Variants in ERMARD observed in about 807,000 individuals in gnomAD.
The protein encoded by ERMARD is endoplasmic reticulum membrane-associated RNA degradation protein.
In ERMARD, 71 loss-of-function variants were observed where a neutral mutation model predicts 83.9. That is an observed-to-expected ratio of 0.85 (90% CI 0.70 to 1.03). The LOEUF (loss-of-function observed/expected upper bound fraction) is 1.03, where lower values mean the gene tolerates loss of function less well. Ranked by LOEUF, ERMARD falls within the 50% of genes least tolerant of loss-of-function variation. The pLI, the probability that ERMARD is intolerant of heterozygous loss-of-function variation, is 0.00. For synonymous variants in ERMARD, 284 were observed against 298.6 expected (o/e 0.95, Z 0.50); for missense variants, 838 against 810.9 (o/e 1.03, Z -0.41).
intron 5 of ERMARD, among the ~76,000 whole-genome samples, chr6:169,758,306 T>G (rs1011477190): frequency 6.6e-6 from 1 of 152,256 alleles, no homozygotes; most frequent in Admixed American, 6.5e-5. Context: ...TGTTCTGAGT[T>G]TCTTCTAAGT....
In ERMARD at chr6:169,772,735, A is replaced by G. The variant is rs375089266; in HGVS notation, c.1234-584A>G. Among the ~76,000 whole-genome samples the G allele has an allele frequency of 2.9e-4, 42 of 143,824 alleles. No homozygotes were observed. In the East Asian group the frequency reaches 8.0e-3, roughly 27 times the overall value. The allele number at this position is 143,824 out of a possible 152,430, so 94.4% of individuals were successfully genotyped here. On this transcript the variant is annotated intron_variant, in intron 12 of 17. Transcript: ENST00000366773. ...CAGTGAGCCGAGATCGCGCCAGTGC[A>G]CTCCAGCCTGGGCAAAAACAGTGAG...
chr6:169,780,865 A>G (rs1221067104), intron 17 of ERMARD, among the ~76,000 whole-genome samples: 1 of 152,198 alleles, frequency 6.6e-6, no homozygotes, highest in Non-Finnish European at 1.5e-5. Context: ...GGGAAAAAAA[A>G]ACAAAACACA....
In ERMARD at chr6:169,759,084, C is replaced by T. The variant is rs1382693951; in HGVS notation, c.605+19C>T. ...CTCCAAAGTAAGTTGCAAGTGAAGA[C>T]ATTTTCTTCCTTTTTTGGATCTACC... On this transcript the variant is annotated intron_variant, in intron 6 of 17. Transcript: ENST00000366773. The T allele has an allele frequency of 3.8e-6, 6 of 1,591,902 alleles. No individual in the cohort carries two copies. The highest frequency in any genetic ancestry group is 1.7e-5 in the Admixed American group (1 of 58,144).
Position 169,776,530 on chromosome 6 carries a change from G to A in ERMARD, c.1596G>A (p.Val532=), listed in dbSNP as rs1793617561. ...TLFCPRIVLE[V]LVVLRSISEQ... is the part of the protein sequence containing the mutation. ...TCTGCCCCAGGATTGTGCTGGAAGT[G>A]CTGGTTGTGCTCCGAAGCATCAGCG... Residue 532 remains valine, a synonymous_variant, in exon 16 of 18, where the codon GTG becomes GTA. Coordinates refer to ENST00000366773, the MANE Select transcript of ERMARD (RefSeq NM_018341.3). 6.2e-7 allele frequency: 1 copy of A among 1,614,084 alleles called. No homozygotes were observed. Among genetic ancestry groups the A allele is most frequent in the Non-Finnish European group, 8.5e-7 (1 of 1,180,044 alleles).
intron 14 of ERMARD, 200 bp from the exon 15 acceptor site, chr6:169,775,740 G>A (rs951980224): frequency 4.2e-5 from 28 of 667,636 alleles, no homozygotes; most frequent in South Asian, 1.0e-4. Context: ...TCGTCTCGTC[G>A]TCACTGGACT....
At position 169,776,674 on chromosome 6, in the gene ERMARD, G is replaced by A. The variant is rs755772545; in HGVS notation, c.1739+1G>A. ...AGAACTACCTGCGTATGTGGAGTAG[G>A]TGCGCGCTCACTTTCCTGTTTTGGA... On this transcript the variant is annotated splice_donor_variant, in intron 16 of 17. Coordinates refer to ENST00000366773, the MANE Select transcript of ERMARD (RefSeq NM_018341.3). LOFTEE classifies it high-confidence loss of function. The A allele has an allele frequency of 1.2e-6, 2 of 1,613,140 alleles. No homozygotes were observed. Among genetic ancestry groups the A allele is most frequent in the South Asian group, 1.1e-5 (1 of 91,036 alleles).
intron 17 of ERMARD, 72 bp downstream of exon 17, chr6:169,779,367 A>G (rs1793951099): frequency 7.6e-7 from 1 of 1,320,756 alleles, no homozygotes; most frequent in African/African-American, 1.4e-5. Context: ...TGTAGGAGTG[A>G]GATTGGGGCA....
chr6:169,775,295 G>C lies in ERMARD; in HGVS notation c.1343G>C (p.Arg448Thr). The change falls in exon 14 of 18, where the codon AGG becomes ACG. Residue 448 changes from arginine to threonine, a missense_variant. Transcript: ENST00000366773. Reference protein sequence around the residue: ...KQVLSCEESIRVWALLPFPEE... With the variant: ...KQVLSCEESITVWALLPFPEE... The stretch of plus-strand genomic sequence containing the variant: ...GTGCTGAGCTGTGAGGAGAGCATCA[G>C]GGTTTGGGCTCTGCTGCCTTTCCCC... The C allele has an allele frequency of 6.2e-7, 1 of 1,614,230 alleles. No homozygotes were observed. Among genetic ancestry groups the C allele is most frequent in the Non-Finnish European group, 8.5e-7 (1 of 1,180,048 alleles).
At chr6:169,772,724 C>T (rs1237501555) in intron 12 of ERMARD, among the ~76,000 whole-genome samples, 2 of 145,856 alleles carry the variant, frequency 1.4e-5, no homozygotes, top group East Asian at 4.1e-4. Context: ...GAGCCGAGAT[C>T]GCGCCAGTGC....
chr6:169,754,080 A>G, intron 2 of ERMARD, 48 bp downstream of exon 2: 1 of 1,544,524 alleles, frequency 6.5e-7, no homozygotes. Context: ...TCCCATTGAA[A>G]ATGTCTTGAC....
intron 1 of ERMARD, chr6:169,753,196 A>G (rs1200917315): frequency 6.5e-6 from 1 of 154,456 alleles, no homozygotes; most frequent in African/African-American, 2.4e-5. Context: ...GTCTAAAGTT[A>G]TCCCCAGTAA....
chr6:169,759,800 A>G (rs1167229037), intron 6 of ERMARD, 38 bp from the exon 7 acceptor site: 1 of 1,556,964 alleles, frequency 6.4e-7, no homozygotes, highest in Non-Finnish European at 8.8e-7. Flanking sequence ...GGCATGATTG[A>G]GTACATTTTT....
intron 1 of ERMARD, 183 bp downstream of exon 1, chr6:169,751,846 C>A: frequency 1.1e-6 from 1 of 879,686 alleles, no homozygotes; most frequent in Non-Finnish European, 1.6e-6. Context: ...GACGCTCGGC[C>A]CTGCAAGACG....
At chr6:169,751,911 T>C (rs1790155225) in intron 1 of ERMARD, 1 of 527,966 alleles carries the variant, frequency 1.9e-6, no homozygotes, top group Non-Finnish European at 3.1e-6. Context: ...CGTCGCCTCC[T>C]GGCCCTGAGC....
chr6:169,760,684 T>C lies in ERMARD; in HGVS notation c.785T>C (p.Met262Thr). 1 of 1,613,964 alleles carries C rather than the reference T, an allele frequency of 6.2e-7. No homozygotes were observed. The highest frequency in any genetic ancestry group is 8.5e-7 in the Non-Finnish European group (1 of 1,179,848). Residue 262 changes from methionine (M) to threonine (T), a missense_variant, in exon 8 of 18, where the codon ATG becomes ACG. Physicochemically the swap from Met to Thr is moderately conservative, Grantham distance 81. Transcript: ENST00000366773. ...EVLSVLEEVMMKSAFILKIML... is the reference protein window; with the variant it reads ...EVLSVLEEVMTKSAFILKIML... ...CTTTCAGTATTAGAAGAAGTGATGA[T>C]GAAATCTGCTTTTATATTAAAAATC...
intron 17 of ERMARD, among the ~76,000 whole-genome samples, chr6:169,780,049 G>GT (rs1794032142): frequency 6.6e-6 from 1 of 152,226 alleles, no homozygotes; most frequent in Non-Finnish European, 1.5e-5. Flanking sequence ...CTCAGTACAT[G>GT]TTTAAATGAA....
chr6:169,755,955 G>C (rs768716061), intron 3 of ERMARD, among the ~76,000 whole-genome samples: 1 of 152,208 alleles, frequency 6.6e-6, no homozygotes, highest in Admixed American at 6.5e-5. Context: ...TGAATTTGGA[G>C]TGAAGGAATC....
chr6:169,768,678 A>G (rs990402268), intron 11 of ERMARD, among the ~76,000 whole-genome samples: 1 of 152,150 alleles, frequency 6.6e-6, no homozygotes, highest in Non-Finnish European at 1.5e-5. Context: ...GGCGAGGAAA[A>G]TGGCTTGAAC....
chr6:169,769,907 C>T (rs1247718857), intron 12 of ERMARD, among the ~76,000 whole-genome samples, 194 bp downstream of exon 12: 1 of 152,174 alleles, frequency 6.6e-6, no homozygotes, highest in Non-Finnish European at 1.5e-5. Context: ...ATATTAATCT[C>T]AGCTAAAATA....
Sources: allele counts gnomAD v4.1 joint callset (sites outside exome capture counted in the v4.1 genomes callset), GRCh38; gene constraint gnomAD v4.1.1; transcripts MANE v1.5; gene names NCBI Gene and HGNC (gene_info 2026-07-23, HGNC 2026-07-21).